Variants in CTNNA3 observed in about 807,000 individuals in gnomAD.
CTNNA3 encodes the protein catenin alpha 3.
A neutral mutation model predicts 95.7 loss-of-function variants in CTNNA3; 76 were observed. The ratio of observed to expected loss-of-function variants is 0.79; its 90% confidence interval spans 0.66 to 0.96. CTNNA3 has a LOEUF of 0.96. CTNNA3 is among the 40% of genes least tolerant of loss of function. The pLI is 0.00. For missense variants in CTNNA3, 1,191 were observed against 1,089.8 expected (o/e 1.09, Z -1.31); for synonymous variants, 431 against 374.4 (o/e 1.15, Z -1.74).
chr10:66,335,966 A>C (rs570524286), intron 12 of CTNNA3, among the ~76,000 whole-genome samples: 1 of 152,190 alleles, frequency 6.6e-6, no homozygotes, highest in African/African-American at 2.4e-5. Flanking sequence ...GCTGCCTTGC[A>C]GTTTGATCTC....
intron 7 of CTNNA3, among the ~76,000 whole-genome samples, chr10:66,868,746 G>A (rs369888980): frequency 0.032 from 1,456 of 46,128 alleles, 9 homozygotes; most frequent in Middle Eastern, 0.073. Context: ...ATGAGACTCC[G>A]TCTCAAAAAA....
intron 5 of CTNNA3, among the ~76,000 whole-genome samples, chr10:67,439,061 G>A (rs947321509): frequency 6.6e-6 from 1 of 152,136 alleles, no homozygotes; most frequent in Non-Finnish European, 1.5e-5. Context: ...TAGGGACAGA[G>A]TGAAAAACGG....
intron 1 of CTNNA3, among the ~76,000 whole-genome samples, chr10:67,651,565 C>G (rs1839879001): frequency 6.6e-6 from 1 of 152,160 alleles, no homozygotes; most frequent in Non-Finnish European, 1.5e-5. Context: ...AATTTTGATA[C>G]TGTTACAAAT....
chr10:66,261,558 T>C (rs1389888009), intron 13 of CTNNA3, among the ~76,000 whole-genome samples: 1 of 152,108 alleles, frequency 6.6e-6, no homozygotes, highest in East Asian at 1.9e-4. Context: ...GAAGGCATTC[T>C]CAGGGGTTAA....
At chr10:66,042,941 TAATGAG>T (rs1360637600) in intron 15 of CTNNA3, among the ~76,000 whole-genome samples, 36 of 74,180 alleles carry the variant, frequency 4.9e-4, no homozygotes, top group African/African-American at 1.7e-3. Context: ...AAAATAAAAA[TAATGAG>T]AATAAGTGGA....
At chr10:66,807,597 G>A (rs1280652953) in intron 7 of CTNNA3, among the ~76,000 whole-genome samples, 1 of 152,104 alleles carries the variant, frequency 6.6e-6, no homozygotes, top group Non-Finnish European at 1.5e-5. Flanking sequence ...CGTTGTGTGG[G>A]TAACACCTGT....
intron 12 of CTNNA3, among the ~76,000 whole-genome samples, chr10:66,324,897 A>G (rs2092235361): frequency 6.6e-6 from 1 of 151,686 alleles, no homozygotes; most frequent in Admixed American, 6.6e-5. Flanking sequence ...CTTCTGAGAC[A>G]TCATAATTTT....
chr10:67,103,859 TAG>T (rs1421553988), intron 7 of CTNNA3, among the ~76,000 whole-genome samples: 1 of 151,682 alleles, frequency 6.6e-6, no homozygotes, highest in Admixed American at 6.6e-5. Context: ...TTACACTGTG[TAG>T]AGACTTCCTT....
At chr10:66,605,389 G>C (rs1451560694) in intron 10 of CTNNA3, among the ~76,000 whole-genome samples, 1 of 152,122 alleles carries the variant, frequency 6.6e-6, no homozygotes, top group African/African-American at 2.4e-5. Flanking sequence ...ACATATTTCA[G>C]GATATCATCC....
intron 14 of CTNNA3, among the ~76,000 whole-genome samples, chr10:66,071,241 G>A (rs2080427985): frequency 1.3e-5 from 2 of 152,176 alleles, no homozygotes; most frequent in Non-Finnish European, 2.9e-5. Context: ...TATATCGCCA[G>A]GTGGCTATGT....
At chr10:66,445,729 C>A (rs2093415333) in intron 11 of CTNNA3, among the ~76,000 whole-genome samples, 1 of 151,178 alleles carries the variant, frequency 6.6e-6, no homozygotes. Context: ...CAGGAAAGAT[C>A]CAAAATTGAC....
chr10:66,427,654 G>GAGTGAT (rs1446352074), intron 11 of CTNNA3, among the ~76,000 whole-genome samples: 1 of 152,038 alleles, frequency 6.6e-6, no homozygotes, highest in Admixed American at 6.6e-5. Flanking sequence ...TTCAGCATAT[G>GAGTGAT]AGTGATATCT....
intron 7 of CTNNA3, among the ~76,000 whole-genome samples, chr10:66,796,907 A>G (rs1841215990): frequency 6.6e-6 from 1 of 152,086 alleles, no homozygotes; most frequent in Admixed American, 6.6e-5. Flanking sequence ...GCTTTAGCCT[A>G]GTACACACAT....
intron 7 of CTNNA3, among the ~76,000 whole-genome samples, chr10:67,104,753 T>C (rs78510915): frequency 1.7e-3 from 252 of 152,128 alleles, no homozygotes; most frequent in African/African-American, 5.8e-3. Flanking sequence ...ACTTCTATAA[T>C]ACACACAGCA....
intron 5 of CTNNA3, among the ~76,000 whole-genome samples, chr10:67,395,939 T>G (rs924051683): frequency 2.6e-5 from 4 of 152,208 alleles, no homozygotes. Context: ...TTCCAATATA[T>G]TAAGCTGCCT....
chr10:67,150,421 A>T (rs1293533563), intron 7 of CTNNA3, among the ~76,000 whole-genome samples: 1 of 152,180 alleles, frequency 6.6e-6, no homozygotes, highest in Non-Finnish European at 1.5e-5. Flanking sequence ...TATTTTGGCC[A>T]TTTGCTTAAA....
intron 7 of CTNNA3, among the ~76,000 whole-genome samples, chr10:66,817,476 G>A (rs991351484): frequency 1.3e-5 from 2 of 151,664 alleles, no homozygotes; most frequent in Admixed American, 1.3e-4. Context: ...AGGAATGAAA[G>A]CATGGACATT....
At chr10:66,341,597 A>G (rs2092453568) in intron 12 of CTNNA3, among the ~76,000 whole-genome samples, 1 of 151,994 alleles carries the variant, frequency 6.6e-6, no homozygotes, top group Non-Finnish European at 1.5e-5. Flanking sequence ...ATTGTACTTT[A>G]GATTTTTCTT....
chr10:66,983,723 A>T (rs1411935890), intron 7 of CTNNA3, among the ~76,000 whole-genome samples: 1 of 152,226 alleles, frequency 6.6e-6, no homozygotes, highest in Non-Finnish European at 1.5e-5. Context: ...ACAGCAAAAT[A>T]AATTATCCCA....
Sources: allele counts gnomAD v4.1 joint callset (sites outside exome capture counted in the v4.1 genomes callset), GRCh38; gene constraint gnomAD v4.1.1; transcripts MANE v1.5; gene names NCBI Gene and HGNC (gene_info 2026-07-23, HGNC 2026-07-21).